The following IL1RAPL1 variants were observed in gnomAD, a reference collection of about 807,000 sequenced individuals.
IL1RAPL1 encodes the protein interleukin-1 receptor accessory protein-like 1.
In IL1RAPL1, 3 loss-of-function variants were observed where a neutral mutation model predicts 48.4. The ratio of observed to expected loss-of-function variants is 0.06; its 90% CI spans 0.03 to 0.16. IL1RAPL1 has a LOEUF of 0.16. Ranked by LOEUF, IL1RAPL1 falls within the 10% of genes least tolerant of loss-of-function variation. The pLI is 1.00. For synonymous variants in IL1RAPL1, 185 were observed against 187.7 expected, an observed-to-expected ratio of 0.99 and a Z score of 0.12; for missense variants, 349 against 530.6, an observed-to-expected ratio of 0.66 and a Z score of 3.36.
chrX:28,757,197 G>A (rs1395544012), intron 1 of IL1RAPL1, among the ~76,000 whole-genome samples: 4 of 112,072 alleles, frequency 3.6e-5, no homozygotes, highest in Admixed American at 1.9e-4. Context: ...TTCTCTACTA[G>A]CTTTTGCCTT....
At chrX:29,512,580 AAAAAG>A (rs748896416) in intron 5 of IL1RAPL1, among the ~76,000 whole-genome samples, 1 of 111,634 alleles carries the variant, frequency 9.0e-6, no homozygotes, top group South Asian at 3.7e-4. Flanking sequence ...TGTTTTGGAG[AAAAAG>A]ACTGTTTAGA....
chrX:29,532,066 G>T (rs1452438399), intron 5 of IL1RAPL1, among the ~76,000 whole-genome samples: 1 of 111,775 alleles, frequency 8.9e-6, no homozygotes, highest in African/African-American at 3.3e-5. Flanking sequence ...ATAACACATA[G>T]ATAATTACAG....
intron 6 of IL1RAPL1, among the ~76,000 whole-genome samples, chrX:29,803,176 CATATATGTATATATGTATACATAT>C: frequency 2.0e-5 from 1 of 49,563 alleles, no homozygotes; most frequent in South Asian, 1.0e-3. Flanking sequence ...CATATGCATA[CATATATGTATATATGTATACATAT>C]ACACACATGT....
At chrX:29,186,870 T>C (rs1202853708) in intron 2 of IL1RAPL1, among the ~76,000 whole-genome samples, 2 of 111,403 alleles carry the variant, frequency 1.8e-5, no homozygotes, top group Non-Finnish European at 3.8e-5. Flanking sequence ...AAATTTTTTC[T>C]GCAGAAAAGT....
chrX:29,461,736 A>T (rs1003413799), intron 5 of IL1RAPL1, among the ~76,000 whole-genome samples: 3 of 112,310 alleles, frequency 2.7e-5, no homozygotes, highest in African/African-American at 9.7e-5. Flanking sequence ...CACAGGCATT[A>T]TACTGGGTGA....
At chrX:29,466,622 G>A (rs1934865732) in intron 5 of IL1RAPL1, among the ~76,000 whole-genome samples, 1 of 112,142 alleles carries the variant, frequency 8.9e-6, no homozygotes, top group Non-Finnish European at 1.9e-5. Flanking sequence ...TAGTGCTGAA[G>A]TTCTGATCAC....
At chrX:29,191,357 C>T (rs778262953) in intron 2 of IL1RAPL1, among the ~76,000 whole-genome samples, 2 of 111,289 alleles carry the variant, frequency 1.8e-5, no homozygotes, top group African/African-American at 3.3e-5. Context: ...AAACCTAGTC[C>T]GCATTTTATA....
chrX:29,782,096 GTC>G (rs1464490641), intron 6 of IL1RAPL1, among the ~76,000 whole-genome samples: 1 of 90,465 alleles, frequency 1.1e-5, no homozygotes, highest in Non-Finnish European at 2.2e-5. Context: ...CTGTCTGTCT[GTC>G]TGTCTATCTA....
At chrX:29,291,707 A>G (rs1372434069) in intron 3 of IL1RAPL1, among the ~76,000 whole-genome samples, 1 of 112,169 alleles carries the variant, frequency 8.9e-6, no homozygotes, top group African/African-American at 3.2e-5. Flanking sequence ...CTTCCTTTCT[A>G]TATAAAATTA....
At chrX:29,546,398 G>GA (rs1387628540) in intron 5 of IL1RAPL1, among the ~76,000 whole-genome samples, 2 of 111,327 alleles carry the variant, frequency 1.8e-5, no homozygotes, top group Non-Finnish European at 3.8e-5. Context: ...AATATTTCCA[G>GA]AAAAGGGAAA....
intron 3 of IL1RAPL1, among the ~76,000 whole-genome samples, chrX:29,342,154 GTTTGT>G (rs1555995846): frequency 1.3e-5 from 1 of 74,377 alleles, no homozygotes; most frequent in Non-Finnish European, 2.4e-5. Flanking sequence ...GTGTGTGTGT[GTTTGT>G]TTTGTTTTGT....
chrX:28,777,525 T>C (rs897132701), intron 1 of IL1RAPL1, among the ~76,000 whole-genome samples: 2 of 111,779 alleles, frequency 1.8e-5, no homozygotes, highest in African/African-American at 3.3e-5. Context: ...CTTTTTCCTC[T>C]ATAAGAGGAT....
chrX:29,509,692 C>A (rs753416943), intron 5 of IL1RAPL1, among the ~76,000 whole-genome samples: 1 of 111,917 alleles, frequency 8.9e-6, no homozygotes, highest in East Asian at 2.8e-4. Context: ...CACACGCACA[C>A]ACACACACAC....
chrX:28,972,825 T>A (rs1925118301), intron 2 of IL1RAPL1, among the ~76,000 whole-genome samples: 1 of 111,446 alleles, frequency 9.0e-6, no homozygotes, highest in Non-Finnish European at 1.9e-5. Context: ...TACACCTGGT[T>A]CTGTTTAAAC....
intron 6 of IL1RAPL1, among the ~76,000 whole-genome samples, chrX:29,697,986 A>C (rs1926957676): frequency 9.0e-6 from 1 of 110,802 alleles, no homozygotes; most frequent in African/African-American, 3.3e-5. Flanking sequence ...TTGTACTTGG[A>C]ATAAAATTTC....
chrX:29,220,331 C>T (rs1282845611), intron 2 of IL1RAPL1, among the ~76,000 whole-genome samples: 4 of 112,570 alleles, frequency 3.6e-5, no homozygotes, highest in African/African-American at 1.3e-4. Flanking sequence ...ACATGTCTAA[C>T]ATATCTAAAT....
At chrX:29,788,858 T>C (rs1029918310) in intron 6 of IL1RAPL1, among the ~76,000 whole-genome samples, 5 of 111,752 alleles carry the variant, frequency 4.5e-5, no homozygotes, top group African/African-American at 1.6e-4. Flanking sequence ...ACTTTCATGG[T>C]TGGTATGTTA....
At chrX:29,790,698 T>C (rs1929609215) in intron 6 of IL1RAPL1, among the ~76,000 whole-genome samples, 2 of 111,834 alleles carry the variant, frequency 1.8e-5, no homozygotes, top group Non-Finnish European at 3.8e-5. Context: ...CAATTCCTAT[T>C]AGTTTTATCT....
At chrX:28,808,483 G>T (rs73208041) in intron 2 of IL1RAPL1, among the ~76,000 whole-genome samples, 427 of 110,616 alleles carry the variant, frequency 3.9e-3, no homozygotes, top group Middle Eastern at 0.033. Context: ...GAGTTAATGA[G>T]AAACTGTTTT....
Sources: gnomAD v4.1 joint callset for allele counts (sites outside exome capture counted in the v4.1 genomes callset) on GRCh38, gnomAD v4.1.1 for gene constraint, MANE v1.5 for transcripts, NCBI Gene and HGNC (gene_info 2026-07-23, HGNC 2026-07-21) for gene names.